Variants in HMG20A observed in about 807,000 individuals in gnomAD.
HMG20A encodes high mobility group 20A.
HMG20A carries 17 observed loss-of-function variants against 43.9 expected under a neutral mutation model. The ratio of observed to expected loss-of-function variants is 0.39; its 90% CI spans 0.27 to 0.58. The LOEUF is 0.58. Among genes scored for constraint, HMG20A ranks in the 20% least tolerant of loss-of-function variants. The pLI is 0.59. For synonymous variants in HMG20A, 132 were observed against 147.5 expected, an observed-to-expected ratio of 0.89 and a Z score of 0.76; for missense variants, 341 against 438.2, an observed-to-expected ratio of 0.78 and a Z score of 1.98.
intron 6 of HMG20A, among the ~76,000 whole-genome samples, 194 bp from the exon 7 acceptor site, chr15:77,477,361 T>C (rs2072865686): frequency 6.6e-6 from 1 of 152,234 alleles, no homozygotes; most frequent in Non-Finnish European, 1.5e-5. Flanking sequence ...GAGAAGTGAA[T>C]ACTTTACCTG....
At chr15:77,475,256 T>C (rs1595931110) in intron 6 of HMG20A, among the ~76,000 whole-genome samples, 1 of 152,332 alleles carries the variant, frequency 6.6e-6, no homozygotes, top group East Asian at 1.9e-4. Context: ...ATGGTTTTTA[T>C]TACCACTCTT....
chr15:77,468,197 G>A (rs1376510390), intron 4 of HMG20A, among the ~76,000 whole-genome samples: 1 of 152,134 alleles, frequency 6.6e-6, no homozygotes, highest in South Asian at 2.1e-4. Context: ...TGGCGCTACT[G>A]TATAAAAGGA....
At chr15:77,474,931 TG>T (rs1394633824) in intron 6 of HMG20A, among the ~76,000 whole-genome samples, 1 of 152,196 alleles carries the variant, frequency 6.6e-6, no homozygotes, top group Non-Finnish European at 1.5e-5. Flanking sequence ...GAAACCAAAG[TG>T]AAGAATATTC....
chr15:77,461,034 A>C (rs899672130), intron 2 of HMG20A, among the ~76,000 whole-genome samples: 2 of 152,024 alleles, frequency 1.3e-5, no homozygotes, highest in Non-Finnish European at 2.9e-5. Context: ...GAATCAACAG[A>C]GTCTAAAGTG....
At chr15:77,468,995 G>A (rs555559678) in intron 4 of HMG20A, among the ~76,000 whole-genome samples, 43 of 151,080 alleles carry the variant, frequency 2.8e-4, no homozygotes, top group Middle Eastern at 6.8e-3. Context: ...TGCTTCCCCC[G>A]CTGCTTTTAC....
At chr15:77,498,874 T>C in the HMG20A span, among the ~76,000 whole-genome samples, 1 of 152,240 alleles carries the variant, frequency 6.6e-6, no homozygotes, top group Non-Finnish European at 1.5e-5. Context: ...GGGATTTGAA[T>C]AGGACTATAA....
the HMG20A span, among the ~76,000 whole-genome samples, chr15:77,506,561 A>G: frequency 3.3e-5 from 5 of 152,224 alleles, no homozygotes; most frequent in Non-Finnish European, 7.3e-5. Context: ...CTGAGCACCT[A>G]GAACACAATT....
the HMG20A span, among the ~76,000 whole-genome samples, chr15:77,515,574 G>C: frequency 7.2e-5 from 11 of 152,028 alleles, no homozygotes; most frequent in African/African-American, 2.7e-4. Flanking sequence ...ACAGGCATGA[G>C]CCACCATGCC....
At chr15:77,504,309 CGTTCT>C in the HMG20A span, among the ~76,000 whole-genome samples, 2 of 152,184 alleles carry the variant, frequency 1.3e-5, no homozygotes, top group African/African-American at 4.8e-5. Context: ...ATGAGCAGGG[CGTTCT>C]TCCTTGCAGG....
the HMG20A span, among the ~76,000 whole-genome samples, chr15:77,491,587 A>T: frequency 1.3e-5 from 2 of 152,190 alleles, no homozygotes; most frequent in African/African-American, 2.4e-5. Context: ...CCACAATGTA[A>T]CAAAAAATAG....
intron 1 of HMG20A, among the ~76,000 whole-genome samples, chr15:77,426,015 C>T (rs2073423360): frequency 6.6e-6 from 1 of 152,132 alleles, no homozygotes; most frequent in Non-Finnish European, 1.5e-5. Flanking sequence ...AAGTCACATA[C>T]AAAAGGCAAC....
At chr15:77,473,227 A>G (rs2072826267) in intron 6 of HMG20A, among the ~76,000 whole-genome samples, 1 of 152,256 alleles carries the variant, frequency 6.6e-6, no homozygotes, top group Non-Finnish European at 1.5e-5. Context: ...GTAATTATAT[A>G]TGACATTCTA....
the HMG20A span, among the ~76,000 whole-genome samples, chr15:77,511,392 C>T: frequency 1.3e-5 from 2 of 152,194 alleles, no homozygotes; most frequent in Non-Finnish European, 2.9e-5. Flanking sequence ...GCCCCCAAAT[C>T]ATTCGCCACT....
At chr15:77,423,752 CTAA>C (rs2073395347) in intron 1 of HMG20A, among the ~76,000 whole-genome samples, 2 of 152,120 alleles carry the variant, frequency 1.3e-5, no homozygotes, top group Non-Finnish European at 1.5e-5. Context: ...TAAAATCAGG[CTAA>C]TGTTTTGCAA....
intron 1 of HMG20A, chr15:77,447,639 A>G (rs2073689145): frequency 6.6e-6 from 1 of 152,198 alleles, no homozygotes; most frequent in Admixed American, 6.5e-5. Flanking sequence ...GAATTTGGAG[A>G]AAAAAATCAT....
At chr15:77,480,626 CAAAAT>C (rs745617701) in intron 9 of HMG20A, among the ~76,000 whole-genome samples, 10 of 137,558 alleles carry the variant, frequency 7.3e-5, no homozygotes, top group Non-Finnish European at 1.3e-4. Context: ...AAAAAAAAAA[CAAAAT>C]AAAAATATAA....
intron 1 of HMG20A, among the ~76,000 whole-genome samples, chr15:77,428,474 G>A (rs1288935596): frequency 6.6e-6 from 1 of 152,186 alleles, no homozygotes; most frequent in Non-Finnish European, 1.5e-5. Flanking sequence ...AGCATAGCGT[G>A]TAAGACATTC....
the HMG20A span, among the ~76,000 whole-genome samples, chr15:77,512,890 G>A: frequency 6.6e-6 from 1 of 152,080 alleles, no homozygotes; most frequent in Non-Finnish European, 1.5e-5. Flanking sequence ...CTCCAGTAAT[G>A]GGGCAAACTG....
At chr15:77,519,049 G>C in the HMG20A span, among the ~76,000 whole-genome samples, 9 of 152,244 alleles carry the variant, frequency 5.9e-5, no homozygotes, top group African/African-American at 1.4e-4. Context: ...AAACCAGCCC[G>C]GGTCACGCAG....
Sources: allele counts gnomAD v4.1 joint callset (sites outside exome capture counted in the v4.1 genomes callset), GRCh38; gene constraint gnomAD v4.1.1; transcripts MANE v1.5; gene names NCBI Gene and HGNC (gene_info 2026-07-23, HGNC 2026-07-21).